The following RBFOX1 variants were observed in gnomAD, a reference collection of about 807,000 sequenced individuals.
The protein encoded by RBFOX1 is RNA binding protein fox-1 homolog 1.
Under a neutral mutation model 57.7 loss-of-function variants are expected in RBFOX1, and 8 were observed. That is an observed-to-expected ratio of 0.14 (90% CI 0.08 to 0.25). The LOEUF is 0.25. Ranked by LOEUF, RBFOX1 falls within the 10% of genes least tolerant of loss-of-function variation. RBFOX1 has a pLI of 1.00. For synonymous variants in RBFOX1, 326 were observed against 222.4 expected (o/e 1.47, Z -4.15); for missense variants, 611 against 548.5 (o/e 1.11, Z -1.14).
In RBFOX1 at chr16:7,222,185, C is replaced by G. The variant is rs189882303; in HGVS notation, c.27+170087C>G. Among the ~76,000 whole-genome samples, 483 of 150,814 alleles carry G rather than the reference C, an allele frequency of 3.2e-3. 8 individuals are homozygous for G. Among genetic ancestry groups the G allele is most frequent in the African/African-American group, 0.011 (454 of 41,384 alleles). On this transcript the variant is annotated intron_variant, in intron 4 of 15. Coordinates refer to ENST00000550418, the MANE Select transcript of RBFOX1 (RefSeq NM_018723.4). ...CTGAAGTAAGACAGTGCCATAGACACGACCACACCAGAGGGCAGGTGGTTC... is the reference window on the plus strand; with the variant it reads ...CTGAAGTAAGACAGTGCCATAGACAGGACCACACCAGAGGGCAGGTGGTTC...
intron 4 of RBFOX1, among the ~76,000 whole-genome samples, chr16:7,258,512 A>T (rs566413093): frequency 6.6e-6 from 1 of 152,298 alleles, no homozygotes; most frequent in Admixed American, 6.5e-5. Flanking sequence ...CTGCAAGTAG[A>T]TTATGAAATA....
At chr16:5,867,188 C>T (rs1597563626) in intron 3 of RBFOX1, 2 of 540,346 alleles carry the variant, frequency 3.7e-6, no homozygotes, top group Non-Finnish European at 5.6e-6. Context: ...TGTGTTGCAA[C>T]CTTTGTCCCC....
At chr16:5,819,735 G>A (rs533844092) in intron 3 of RBFOX1, among the ~76,000 whole-genome samples, 1 of 152,300 alleles carries the variant, frequency 6.6e-6, no homozygotes, top group African/African-American at 2.4e-5. Context: ...GTGAATCACA[G>A]CTTATCCTTT....
intron 14 of RBFOX1, among the ~76,000 whole-genome samples, chr16:7,686,748 A>G (rs1354171217): frequency 1.3e-5 from 2 of 152,134 alleles, no homozygotes; most frequent in Admixed American, 6.6e-5. Context: ...TACAGCTTAT[A>G]TGCAACAAAG....
At chr16:6,375,444 G>A (rs2091044259) in intron 2 of RBFOX1, among the ~76,000 whole-genome samples, 1 of 151,276 alleles carries the variant, frequency 6.6e-6, no homozygotes, top group African/African-American at 2.4e-5. Context: ...CTAGGATGAA[G>A]CCAAAAGAAG....
At chr16:5,999,158 C>T (rs1180834583) in intron 4 of RBFOX1, among the ~76,000 whole-genome samples, 2 of 152,178 alleles carry the variant, frequency 1.3e-5, no homozygotes, top group Non-Finnish European at 1.5e-5. Flanking sequence ...TCTGTCTTCA[C>T]TCCTTAGAAT....
chr16:5,550,695 C>G lies in RBFOX1; in HGVS notation c.259-48207C>G, dbSNP rs186155370. On this transcript the variant is annotated intron_variant, in intron 2 of 2. Transcript: ENST00000585867. ...AATAAAGCAGACAAAGCTCCCTGTC[C>G]CTGTGGCATTTATATTCTGGAGACT... Among the ~76,000 whole-genome samples, 12 of 152,188 alleles carry G rather than the reference C, an allele frequency of 7.9e-5. 1 individual carries two copies. Among genetic ancestry groups the G allele is most frequent in the Admixed American group, 7.2e-4 (11 of 15,294 alleles).
chr16:7,565,249 A>AT (rs201998531), intron 5 of RBFOX1, among the ~76,000 whole-genome samples: 72,593 of 151,714 alleles, frequency 0.48, 17,845 homozygotes, highest in Non-Finnish European at 0.53. Context: ...TGTGGAGTTG[A>AT]TCTGGTATGC....
At chr16:6,450,760 T>C (rs1228650101) in intron 2 of RBFOX1, among the ~76,000 whole-genome samples, 3 of 43,908 alleles carry the variant, frequency 6.8e-5, no homozygotes, top group East Asian at 1.2e-3. Flanking sequence ...TATACATATA[T>C]ATATGTGTAT....
intron 3 of RBFOX1, among the ~76,000 whole-genome samples, chr16:6,966,072 G>A (rs1345982010): frequency 6.6e-6 from 1 of 152,130 alleles, no homozygotes; most frequent in Non-Finnish European, 1.5e-5. Flanking sequence ...TTTGAAGGTA[G>A]TGATTTTTAC....
intron 1 of RBFOX1, among the ~76,000 whole-genome samples, chr16:5,392,089 C>G (rs1003779893): frequency 6.6e-6 from 1 of 151,872 alleles, no homozygotes; most frequent in Non-Finnish European, 1.5e-5. Flanking sequence ...TATGAGGACG[C>G]AAAGGCATAA....
chr16:6,169,036 A>G (rs1324477565), intron 1 of RBFOX1, among the ~76,000 whole-genome samples: 1 of 152,164 alleles, frequency 6.6e-6, no homozygotes, highest in Non-Finnish European at 1.5e-5. Context: ...TCATTTCATA[A>G]TGAGCGTCAT....
rs139043354 is a variant in RBFOX1, at chr16:6,246,119, T to C, written c.-126-70876T>C. On this transcript the variant is annotated intron_variant, in intron 1 of 15. Transcript: ENST00000550418. ...AACAAAACAACAAAACCCAAATGACTGTAGGATGTATTGAATCATGGAGCT... is the reference window on the plus strand; with the variant it reads ...AACAAAACAACAAAACCCAAATGACCGTAGGATGTATTGAATCATGGAGCT... Among the ~76,000 whole-genome samples the C allele has an allele frequency of 1.2e-3, 186 of 152,274 alleles. 2 individuals are homozygous for C. The highest frequency in any genetic ancestry group is 3.4e-3 in the Middle Eastern group (1 of 294).
At chr16:5,418,939 G>A (rs2067236500) in intron 1 of RBFOX1, among the ~76,000 whole-genome samples, 1 of 152,216 alleles carries the variant, frequency 6.6e-6, no homozygotes, top group Non-Finnish European at 1.5e-5. Flanking sequence ...GCTCAGAGGT[G>A]AAGGCAGCCA....
chr16:6,050,254 C>T (rs893334618), intron 1 of RBFOX1, among the ~76,000 whole-genome samples: 1 of 152,184 alleles, frequency 6.6e-6, no homozygotes, highest in African/African-American at 2.4e-5. Context: ...GCCACCGTAC[C>T]CAGCCTGTAT....
chr16:6,502,141 C>T (rs1442946669), intron 2 of RBFOX1, among the ~76,000 whole-genome samples: 3 of 152,126 alleles, frequency 2.0e-5, no homozygotes, highest in African/African-American at 4.8e-5. Flanking sequence ...AGTGTCCCTT[C>T]AGGCATTGGC....
At chr16:6,735,748 T>C (rs944811029) in intron 3 of RBFOX1, among the ~76,000 whole-genome samples, 1 of 152,124 alleles carries the variant, frequency 6.6e-6, no homozygotes, top group Non-Finnish European at 1.5e-5. Flanking sequence ...GAGTCTACCA[T>C]GATAGTTCCC....
In RBFOX1 at chr16:6,948,215, T is replaced by A. The variant is rs1360927905; in HGVS notation, c.-15-103842T>A. ...GGGAGGCTGAGGTGAGAGGATGGCT[T>A]GAGCTGAGGCATTCAAGACCAGCCT... On this transcript the variant is annotated intron_variant, in intron 3 of 15. Transcript: ENST00000550418. 5.3e-5 allele frequency among the ~76,000 whole-genome samples: 8 copies of A among 152,092 alleles called. 1 individual carries two copies. In the South Asian group the frequency reaches 1.7e-3, roughly 32 times the overall value.
At chr16:7,150,855 T>C (rs1479078637) in intron 4 of RBFOX1, among the ~76,000 whole-genome samples, 1 of 152,226 alleles carries the variant, frequency 6.6e-6, no homozygotes, top group Non-Finnish European at 1.5e-5. Context: ...GTTAATGATG[T>C]GCCTGCTTAC....
Sources: allele counts gnomAD v4.1 joint callset (sites outside exome capture counted in the v4.1 genomes callset), GRCh38; gene constraint gnomAD v4.1.1; transcripts MANE v1.5; gene names NCBI Gene and HGNC (gene_info 2026-07-23, HGNC 2026-07-21).